Variants in TLE1 observed in about 807,000 individuals in gnomAD.
TLE1 encodes TLE family member 1, transcriptional corepressor.
In TLE1, 21 loss-of-function variants were observed where a neutral mutation model predicts 89.8. The ratio of observed to expected loss-of-function variants is 0.23; its 90% CI spans 0.17 to 0.34. TLE1 has a LOEUF of 0.34. Among genes scored for constraint, TLE1 ranks in the 10% least tolerant of loss-of-function variants. The pLI, the probability that TLE1 is intolerant of heterozygous loss-of-function variation, is 1.00. For synonymous variants in TLE1, 447 were observed against 407.6 expected, an observed-to-expected ratio of 1.10 and a Z score of -1.16; for missense variants, 795 against 1,031.2, an observed-to-expected ratio of 0.77 and a Z score of 3.14.
chr9:81,615,580 G>A (rs1159404243), intron 11 of TLE1, among the ~76,000 whole-genome samples: 4 of 149,438 alleles, frequency 2.7e-5, no homozygotes, highest in Admixed American at 1.3e-4. Context: ...GGGCATGGTC[G>A]CGCGCGCCTG....
At chr9:81,652,174 TTA>T (rs1829640872) in intron 6 of TLE1, 38 bp downstream of exon 6, 1 of 1,586,596 alleles carries the variant, frequency 6.3e-7, no homozygotes, top group Admixed American at 1.7e-5. Flanking sequence ...TGAAAGCTGG[TTA>T]TACACACTGT....
chr9:81,589,829 A>G (rs555060712), intron 16 of TLE1, among the ~76,000 whole-genome samples: 4 of 152,328 alleles, frequency 2.6e-5, no homozygotes, highest in African/African-American at 9.6e-5. Context: ...TGGCTCCATC[A>G]TTCCATTTTG....
chr9:81,605,128 G>A (rs562795826), intron 14 of TLE1, among the ~76,000 whole-genome samples: 2 of 152,260 alleles, frequency 1.3e-5, no homozygotes, highest in South Asian at 2.1e-4. Flanking sequence ...CCTCACCCAA[G>A]CATTCTTTCC....
In TLE1 at chr9:81,613,506, T is replaced by G; in HGVS notation, c.934A>C (p.Thr312Pro). 6.2e-7 allele frequency: 1 copy of G among 1,614,174 alleles called. No homozygotes were observed. The highest frequency in any genetic ancestry group is 1.3e-5 in the African/African-American group (1 of 75,056). ...GGTGTGCTGGATTTCAGAACAGGCGTGCTGGCTTTTTCATGCTGGTGTCAT... is the reference window on the plus strand; with the variant it reads ...GGTGTGCTGGATTTCAGAACAGGCGGGCTGGCTTTTTCATGCTGGTGTCAT... ...KEMSLHEKASTPVLKSSTPTP... is the reference protein window; with the variant it reads ...KEMSLHEKASPPVLKSSTPTP... Residue 312 changes from threonine (T) to proline (P), a missense_variant, in exon 12 of 20, where the codon ACG becomes CCG. Thr to Pro is a conservative substitution (Grantham distance 38, BLOSUM62 -1). This residue lies in a region of TLE1 where 468 missense variants were observed against 509.1 expected (regional missense o/e 0.92). Coordinates refer to ENST00000376499, the MANE Select transcript of TLE1 (RefSeq NM_005077.5).
chr9:81,650,500 A>G (rs945224782), intron 6 of TLE1, among the ~76,000 whole-genome samples: 1 of 152,212 alleles, frequency 6.6e-6, no homozygotes, highest in African/African-American at 2.4e-5. Context: ...TCTGTGCTTG[A>G]GCTACAAGTA....
chr9:81,687,523 C>G, intron 1 of TLE1, 89 bp from the exon 2 acceptor site: 1 of 966,098 alleles, frequency 1.0e-6, no homozygotes, highest in South Asian at 1.4e-5. Flanking sequence ...ACGGGTGGGA[C>G]ATAAACATAA....
At chr9:81,615,706 C>G in intron 11 of TLE1, among the ~76,000 whole-genome samples, 1 of 130,082 alleles carries the variant, frequency 7.7e-6, no homozygotes, top group Admixed American at 7.8e-5. Flanking sequence ...GAGTGAGACT[C>G]CGTCTCAAAA....
intron 14 of TLE1, among the ~76,000 whole-genome samples, chr9:81,604,637 C>T (rs779230750): frequency 6.6e-6 from 1 of 152,172 alleles, no homozygotes; most frequent in African/African-American, 2.4e-5. Flanking sequence ...CGGTCAGAGG[C>T]ACACTGTCAC....
At chr9:81,652,091 A>T in intron 6 of TLE1, 123 bp downstream of exon 6, 1 of 881,934 alleles carries the variant, frequency 1.1e-6, no homozygotes, top group Non-Finnish European at 1.7e-6. Context: ...CTTATCAAAT[A>T]GGTCAACGTT....
chr9:81,595,852 A>G (rs1387340222), intron 14 of TLE1, among the ~76,000 whole-genome samples: 1 of 151,962 alleles, frequency 6.6e-6, no homozygotes, highest in African/African-American at 2.4e-5. Flanking sequence ...TAAAAGTAAA[A>G]CAATTGAGTT....
chr9:81,633,476 A>T (rs1826969136), intron 7 of TLE1, 112 bp from the exon 8 acceptor site: 4 of 1,516,798 alleles, frequency 2.6e-6, no homozygotes, highest in Non-Finnish European at 3.6e-6. Flanking sequence ...AAACAGTTTT[A>T]AAAATGGCTT....
In TLE1 at chr9:81,633,492, T is replaced by G; in HGVS notation, c.578-128A>C. On this transcript the variant is annotated intron_variant, in intron 7 of 19. Transcript: ENST00000376499. ...AACAGTTTTAAAAATGGCTTTTATT[T>G]ATATAAGTCATTGCACATTCCTAAT... The G allele has an allele frequency of 2.3e-6, 3 of 1,310,000 alleles. No individual in the cohort carries two copies. The South Asian group carries it at 3.8e-5, about 16-fold the overall frequency. 81.1% of individuals were successfully genotyped at this position (1,310,000 alleles called of 1,614,324 possible). A position where few individuals can be genotyped will look rare whatever the true frequency, so the allele number is the denominator to read the frequency against.
intron 4 of TLE1, among the ~76,000 whole-genome samples, chr9:81,676,554 G>A (rs1211983250): frequency 3.3e-5 from 5 of 152,126 alleles, no homozygotes; most frequent in African/African-American, 1.2e-4. Context: ...AGGCCTATTT[G>A]GCAGGATAAA....
At chr9:81,686,551 C>T (rs1372668469) in intron 2 of TLE1, among the ~76,000 whole-genome samples, 2 of 152,196 alleles carry the variant, frequency 1.3e-5, no homozygotes, top group Admixed American at 6.5e-5. Flanking sequence ...GCCACTTCGC[C>T]TCATCTGTGT....
At chr9:81,652,051 T>A (rs1049147534) in intron 6 of TLE1, 163 bp downstream of exon 6, 1 of 626,344 alleles carries the variant, frequency 1.6e-6, no homozygotes, top group African/African-American at 1.8e-5. Context: ...CCTTAGCACA[T>A]CCCAAGTCTC....
chr9:81,629,627 T>C (rs1031833148), intron 8 of TLE1, among the ~76,000 whole-genome samples: 1 of 152,212 alleles, frequency 6.6e-6, no homozygotes, highest in Non-Finnish European at 1.5e-5. Flanking sequence ...TTCATCATTG[T>C]GCAAATATCG....
At chr9:81,634,348 T>G (rs1296417524) in intron 6 of TLE1, 47 bp from the exon 7 acceptor site, 30 of 1,371,244 alleles carry the variant, frequency 2.2e-5, no homozygotes, top group East Asian at 2.6e-5. Context: ...GAGGAGGAGG[T>G]AGTGGTGACA....
In TLE1 at chr9:81,655,859, A is replaced by G. The variant is rs529054778; in HGVS notation, c.235-1823T>C. Among the ~76,000 whole-genome samples the G allele has an allele frequency of 3.4e-5, 5 of 148,114 alleles. No homozygotes were observed. The South Asian group carries it at 1.1e-3, about 31-fold the overall frequency. Reference sequence around the variant, plus strand: ...CAGAGCAAGACCCTGTCTCAAAAAAAAAAAAAAAAAGAAAAGAAAAGAACA... The same window carrying G: ...CAGAGCAAGACCCTGTCTCAAAAAAGAAAAAAAAAAGAAAAGAAAAGAACA... On this transcript the variant is annotated intron_variant, in intron 4 of 19. Coordinates refer to ENST00000376499, the MANE Select transcript of TLE1 (RefSeq NM_005077.5).
intron 4 of TLE1, among the ~76,000 whole-genome samples, chr9:81,666,478 C>T (rs1316103622): frequency 6.6e-6 from 1 of 152,096 alleles, no homozygotes; most frequent in East Asian, 1.9e-4. Flanking sequence ...AATTATGAAA[C>T]TAAAATATGC....
Sources: gnomAD v4.1 joint callset for allele counts (sites outside exome capture counted in the v4.1 genomes callset) on GRCh38, gnomAD v4.1.1 for gene constraint, gnomAD v4.1.1 regional missense constraint, MANE v1.5 for transcripts, NCBI Gene and HGNC (gene_info 2026-07-23, HGNC 2026-07-21) for gene names.